RTL4: variants seen among roughly 807,000 people sequenced by gnomAD.
RTL4 encodes the protein retrotransposon Gag like 4, also known as retrotransposon Gag-like protein 4.
A neutral mutation model predicts 5.3 loss-of-function variants in RTL4; 4 were observed. The ratio of observed to expected loss-of-function variants is 0.75; its 90% CI spans 0.37 to 1.72. The LOEUF (loss-of-function observed/expected upper bound fraction) is 1.72. Ranked by LOEUF, RTL4 falls within the 40% of genes most tolerant of loss-of-function variation. The probability of loss-of-function intolerance (pLI) is 0.04; values close to 1 mark genes in which losing one functional copy is unlikely to be tolerated. For missense variants in RTL4, 260 were observed against 227.1 expected (o/e 1.14, Z -0.93); for synonymous variants, 98 against 87.3 (o/e 1.12, Z -0.68).
the RTL4 span, among the ~76,000 whole-genome samples, chrX:112,146,048 T>C: frequency 1.8e-5 from 2 of 112,243 alleles, no homozygotes; most frequent in Non-Finnish European, 3.8e-5. Flanking sequence ...GGCTGCCGCA[T>C]GAAGAGTGGT....
At chrX:112,371,893 C>G in the RTL4 span, among the ~76,000 whole-genome samples, 1 of 111,576 alleles carries the variant, frequency 9.0e-6, no homozygotes. Context: ...TCAATTTTGT[C>G]TAATTTTAGC....
the RTL4 span, among the ~76,000 whole-genome samples, chrX:112,435,943 G>A: frequency 2.1e-4 from 24 of 111,790 alleles, no homozygotes; most frequent in Non-Finnish European, 4.0e-4. Context: ...TAGGCCCAGC[G>A]CGGTAGCTCA....
chrX:112,287,774 A>C, the RTL4 span, among the ~76,000 whole-genome samples: 1 of 111,830 alleles, frequency 8.9e-6, no homozygotes, highest in African/African-American at 3.3e-5. Flanking sequence ...TAACTGTCAA[A>C]AGATTTTATT....
At chrX:112,423,898 CCTAT>C in the RTL4 span, among the ~76,000 whole-genome samples, 4 of 111,737 alleles carry the variant, frequency 3.6e-5, no homozygotes, top group Non-Finnish European at 7.5e-5. Flanking sequence ...TAACATCCTA[CCTAT>C]CTAATATCCT....
chrX:112,319,463 A>C, the RTL4 span, among the ~76,000 whole-genome samples: 1 of 111,849 alleles, frequency 8.9e-6, no homozygotes, highest in Non-Finnish European at 1.9e-5. Context: ...TAACAGCAAA[A>C]CTTTATTCAT....
At chrX:112,196,989 C>A in the RTL4 span, among the ~76,000 whole-genome samples, 5 of 109,877 alleles carry the variant, frequency 4.6e-5, no homozygotes, top group South Asian at 2.0e-3. Flanking sequence ...TTTTGTTTCA[C>A]GTTTCCCTGA....
At chrX:112,254,479 G>A in the RTL4 span, among the ~76,000 whole-genome samples, 197 of 110,379 alleles carry the variant, frequency 1.8e-3, 1 homozygote, top group Middle Eastern at 4.6e-3. Flanking sequence ...ACAAGCACAC[G>A]CCACTACGCC....
chrX:112,388,522 C>T, the RTL4 span, among the ~76,000 whole-genome samples: 1 of 112,254 alleles, frequency 8.9e-6, no homozygotes, highest in Non-Finnish European at 1.9e-5. Context: ...AGTTTTTACC[C>T]ATTCAGTATG....
chrX:112,368,398 T>C, the RTL4 span, among the ~76,000 whole-genome samples: 6 of 111,974 alleles, frequency 5.4e-5, no homozygotes, highest in African/African-American at 1.9e-4. Context: ...CCATTTCCTT[T>C]GGTAGTCACT....
the RTL4 span, chrX:112,382,150 G>T: frequency 1.2e-5 from 14 of 1,207,949 alleles, no homozygotes; most frequent in South Asian, 2.1e-4. Context: ...GTCATAATCA[G>T]TGCCTAAATA....
At chrX:112,455,596 A>G (rs766338470) in exon 1 of RTL4, 16 of 1,209,783 alleles carry the variant, frequency 1.3e-5, no homozygotes, top group Middle Eastern at 2.3e-4. Flanking sequence ...TGGTCACTTC[A>G]CAAGAGATTG....
the RTL4 span, among the ~76,000 whole-genome samples, chrX:112,418,428 G>GA: frequency 8.3e-4 from 92 of 111,480 alleles, no homozygotes; most frequent in African/African-American, 2.8e-3. Context: ...TTAAGAGCTT[G>GA]AAAAATTAAG....
At chrX:112,286,185 T>C in the RTL4 span, among the ~76,000 whole-genome samples, 1 of 111,994 alleles carries the variant, frequency 8.9e-6, no homozygotes, top group South Asian at 3.7e-4. Flanking sequence ...AAACCATGTA[T>C]CTGGGAGAAG....
the RTL4 span, among the ~76,000 whole-genome samples, chrX:112,305,329 G>GTATTTTATTT: frequency 3.5e-3 from 367 of 105,206 alleles, 3 homozygotes; most frequent in African/African-American, 0.012. Context: ...GCTAATTTTT[G>GTATTTTATTT]TATTTTATTT....
the RTL4 span, among the ~76,000 whole-genome samples, chrX:112,275,975 C>T: frequency 8.9e-6 from 1 of 111,947 alleles, no homozygotes; most frequent in Non-Finnish European, 1.9e-5. Flanking sequence ...TGCTGTTATT[C>T]TCTCTAGGGA....
the RTL4 span, among the ~76,000 whole-genome samples, chrX:112,421,780 A>G: frequency 5.4e-5 from 6 of 111,990 alleles, no homozygotes; most frequent in Non-Finnish European, 9.4e-5. Flanking sequence ...ATTTATTCTT[A>G]ATGGTTTTGT....
chrX:112,110,476 C>T, the RTL4 span, among the ~76,000 whole-genome samples: 2,599 of 111,571 alleles, frequency 0.023, 34 homozygotes, highest in Non-Finnish European at 0.035. Flanking sequence ...TGGCCCTGTG[C>T]TGATGGACTT....
the RTL4 span, among the ~76,000 whole-genome samples, chrX:112,147,168 C>G: frequency 9.2e-6 from 1 of 108,405 alleles, no homozygotes; most frequent in Non-Finnish European, 1.9e-5. Context: ...TTTTTTTCAG[C>G]AACGATACCC....
the RTL4 span, among the ~76,000 whole-genome samples, chrX:112,369,970 A>G: frequency 1.8e-5 from 2 of 112,062 alleles, no homozygotes; most frequent in Non-Finnish European, 3.8e-5. Flanking sequence ...GGAAGTATGG[A>G]GTTGCCAACA....
Sources: gnomAD v4.1 joint callset for allele counts (sites outside exome capture counted in the v4.1 genomes callset) on GRCh38, gnomAD v4.1.1 for gene constraint, MANE v1.5 for transcripts, NCBI Gene and HGNC (gene_info 2026-07-23, HGNC 2026-07-21) for gene names.